Variants in PRKN observed in about 807,000 individuals in gnomAD.
The protein encoded by PRKN is parkin RBR E3 ubiquitin protein ligase, also known as E3 ubiquitin-protein ligase parkin.
A neutral mutation model predicts 59.5 loss-of-function variants in PRKN; 56 were observed. The ratio of observed to expected loss-of-function variants is 0.94; its 90% CI spans 0.76 to 1.18. The LOEUF (loss-of-function observed/expected upper bound fraction) is 1.18, where lower values mean the gene tolerates loss of function less well. PRKN is among the 50% of genes most tolerant of loss of function. The pLI is 0.00. For missense variants in PRKN, 657 were observed against 596.4 expected, an observed-to-expected ratio of 1.10 and a Z score of -1.06; for synonymous variants, 250 against 222.1, an observed-to-expected ratio of 1.13 and a Z score of -1.12.
intron 6 of PRKN, among the ~76,000 whole-genome samples, chr6:161,916,339 T>A (rs527709830): frequency 1.3e-5 from 2 of 152,150 alleles, no homozygotes; most frequent in African/African-American, 4.8e-5. Flanking sequence ...AATAAAAAAT[T>A]TTTCTAATTA....
At chr6:162,529,159 C>T (rs1283914760) in intron 1 of PRKN, among the ~76,000 whole-genome samples, 1 of 152,172 alleles carries the variant, frequency 6.6e-6, no homozygotes, top group Non-Finnish European at 1.5e-5. Flanking sequence ...CTGGCATGAG[C>T]CACTGTGCCG....
chr6:161,518,292 C>A lies in PRKN; in HGVS notation c.1083+30562G>T, dbSNP rs1051670179. Among the ~76,000 whole-genome samples the A allele has an allele frequency of 3.9e-5, 6 of 152,216 alleles. No individual in the cohort carries two copies. Among genetic ancestry groups the A allele is most frequent in the African/African-American group, 1.4e-4 (6 of 41,468 alleles). On this transcript the variant is annotated intron_variant, in intron 9 of 11. Coordinates refer to ENST00000366898, the MANE Select transcript of PRKN (RefSeq NM_004562.3). The surrounding 1 kb of genome is among the most constrained non-coding windows in gnomAD (Gnocchi z 5.0). ...TCTCAGGACAGCTCAGCCCTGCTTT[C>A]CAGAAGATGAGAGGACTTCACAAAG...
intron 7 of PRKN, among the ~76,000 whole-genome samples, chr6:161,723,067 G>A (rs757353175): frequency 2.0e-5 from 3 of 152,096 alleles, no homozygotes; most frequent in East Asian, 1.9e-4. Context: ...TCAAGAGTTC[G>A]AGACCAGCTT....
intron 1 of PRKN, among the ~76,000 whole-genome samples, chr6:162,451,937 T>C (rs1373214629): frequency 6.6e-6 from 1 of 152,106 alleles, no homozygotes; most frequent in African/African-American, 2.4e-5. Flanking sequence ...AGGCAAATCA[T>C]AGCATAGTCA....
rs554680278 is a variant in PRKN, at chr6:161,533,835, G to A, written c.1083+15019C>T. On this transcript the variant is annotated intron_variant, in intron 9 of 11. Transcript: ENST00000366898. This position sits in a 1 kb window ranked among gnomAD's most constrained non-coding sequence, Gnocchi z 4.1. ...CTTAATTTTCTTGGCGTGAGATAAG[G>A]AACCCTGGGGATTTACCCTAGACTA... Among the ~76,000 whole-genome samples, 2 of 151,754 alleles carry A rather than the reference G, an allele frequency of 1.3e-5. No individual in the cohort carries two copies. The highest frequency in any genetic ancestry group is 2.4e-5 in the African/African-American group (1 of 41,146).
At chr6:161,894,196 T>C (rs1392412718) in intron 6 of PRKN, among the ~76,000 whole-genome samples, 1 of 152,166 alleles carries the variant, frequency 6.6e-6, no homozygotes, top group African/African-American at 2.4e-5. Flanking sequence ...AACCCCACCA[T>C]GAACTACTGA....
chr6:161,843,988 T>C (rs1241546405), intron 6 of PRKN, among the ~76,000 whole-genome samples: 1 of 152,088 alleles, frequency 6.6e-6, no homozygotes, highest in African/African-American at 2.4e-5. Context: ...TGAATTCCAC[T>C]TGAAAGCCTT....
chr6:161,540,670 T>C (rs979939036), intron 9 of PRKN, among the ~76,000 whole-genome samples: 10 of 152,324 alleles, frequency 6.6e-5, no homozygotes, highest in African/African-American at 2.4e-4. Context: ...AATCCCAAGT[T>C]GCTTCATAAA....
Position 162,290,712 on chromosome 6 carries a change from T to C in PRKN, c.172-27947A>G, listed in dbSNP as rs749384752. On this transcript the variant is annotated intron_variant, in intron 2 of 11. Transcript: ENST00000366898. ...TGAAAGTACTAATTTAAATCATTAA[T>C]GGCAATTTCCTCTTTGCAGACTGCC... Among the ~76,000 whole-genome samples, 8 of 152,220 alleles carry C rather than the reference T, an allele frequency of 5.3e-5. 1 individual carries two copies. The highest frequency in any genetic ancestry group is 3.3e-4 in the Admixed American group (5 of 15,276).
intron 2 of PRKN, among the ~76,000 whole-genome samples, chr6:162,439,991 G>T (rs768033741): frequency 6.6e-6 from 1 of 152,104 alleles, no homozygotes; most frequent in Non-Finnish European, 1.5e-5. Flanking sequence ...GACTCCACGA[G>T]TCAACTGTAC....
rs1779971844 is a variant in PRKN at position 161,550,690 on chromosome 6, A to C, written c.934-1687T>G. On this transcript the variant is annotated intron_variant, in intron 8 of 11. Coordinates refer to ENST00000366898, the MANE Select transcript of PRKN (RefSeq NM_004562.3). The surrounding 1 kb of genome is among the most constrained non-coding windows in gnomAD (Gnocchi z 4.0). The stretch of plus-strand genomic sequence containing the variant: ...TTTCCTGAGAAGACAGGAGGCGGGT[A>C]GGGGTGGGGACAACTGTGGTAGAAG... Among the ~76,000 whole-genome samples, 1 of 136,868 alleles carries C rather than the reference A, an allele frequency of 7.3e-6. No homozygotes were observed. Among genetic ancestry groups the C allele is most frequent in the Non-Finnish European group, 1.6e-5 (1 of 63,450 alleles). 89.8% of individuals were successfully genotyped at this position (136,868 alleles called of 152,430 possible).
intron 6 of PRKN, among the ~76,000 whole-genome samples, chr6:161,837,641 C>A (rs1376785495): frequency 2.6e-5 from 4 of 150,984 alleles, no homozygotes; most frequent in Admixed American, 6.6e-5. Context: ...GAAATAGTAG[C>A]CAGCAGCGAA....
chr6:162,340,505 G>T (rs1264789427), intron 2 of PRKN, among the ~76,000 whole-genome samples: 1 of 152,114 alleles, frequency 6.6e-6, no homozygotes, highest in Non-Finnish European at 1.5e-5. Flanking sequence ...AATTAACTGT[G>T]TAGTTCTGTG....
At chr6:162,040,454 G>GGAGT (rs1462882722) in intron 5 of PRKN, among the ~76,000 whole-genome samples, 1 of 149,060 alleles carries the variant, frequency 6.7e-6, no homozygotes, top group Non-Finnish European at 1.5e-5. Flanking sequence ...TGTCCAGGCT[G>GGAGT]GAGTGCAATG....
In PRKN at chr6:162,023,883, T is replaced by G. The variant is rs1168808558; in HGVS notation, c.618+30208A>C. On this transcript the variant is annotated intron_variant, in intron 5 of 11. Transcript: ENST00000366898. ...TACTCCTGTATTAGCATCATGCTGT[T>G]TTGGTTACTATAACCTTGTAGTATA... 7.2e-5 allele frequency among the ~76,000 whole-genome samples: 11 copies of G among 152,306 alleles called. No individual in the cohort carries two copies. The East Asian group carries it at 2.1e-3, about 29-fold the overall frequency.
intron 7 of PRKN, among the ~76,000 whole-genome samples, chr6:161,691,040 TTCCATCCATCCA>T (rs111800155): frequency 1.2e-4 from 18 of 145,300 alleles, no homozygotes; most frequent in African/African-American, 3.6e-4. Flanking sequence ...CTCCTTTCCT[TTCCATCCATCCA>T]TCCATCCATC....
rs1777407739 is a variant in PRKN, at chr6:161,488,261, A to C, written c.1083+60593T>G. Among the ~76,000 whole-genome samples the C allele has an allele frequency of 6.6e-6, 1 of 152,138 alleles. No homozygotes were observed. Among genetic ancestry groups the C allele is most frequent in the Non-Finnish European group, 1.5e-5 (1 of 68,028 alleles). On this transcript the variant is annotated intron_variant, in intron 9 of 11. Transcript: ENST00000366898. This position sits in a 1 kb window ranked among gnomAD's most constrained non-coding sequence, Gnocchi z 4.5. ...GACAAGTCTGCTTCATTTAGAGAAC[A>C]CCATGAAGGGCCAGGGTACTGGAGC...
At chr6:161,990,318 T>C (rs561349913) in intron 5 of PRKN, among the ~76,000 whole-genome samples, 7 of 152,296 alleles carry the variant, frequency 4.6e-5, no homozygotes, top group Admixed American at 4.6e-4. Context: ...GACATTACAC[T>C]GCTGTGCCCA....
chr6:161,508,108 C>A (rs1311783500), intron 9 of PRKN, among the ~76,000 whole-genome samples: 1 of 152,126 alleles, frequency 6.6e-6, no homozygotes, highest in East Asian at 1.9e-4. Context: ...CCACAGAGGA[C>A]TAATAACTGT....
Sources: allele counts gnomAD v4.1 joint callset (sites outside exome capture counted in the v4.1 genomes callset), GRCh38; gene constraint gnomAD v4.1.1; non-coding constraint Gnocchi (gnomAD v3.1); transcripts MANE v1.5; gene names NCBI Gene and HGNC (gene_info 2026-07-23, HGNC 2026-07-21).